Variants in ALG1 observed in about 807,000 individuals in gnomAD.
The protein encoded by ALG1 is chitobiosyldiphosphodolichol beta-mannosyltransferase.
In ALG1, 58 loss-of-function variants were observed where a neutral mutation model predicts 55.1. The observed-to-expected ratio is 1.05, with a 90% CI of 0.85 to 1.31. The LOEUF is 1.31. Among genes scored for constraint, ALG1 ranks in the 50% most tolerant of loss-of-function variants. The pLI is 0.00. For synonymous variants in ALG1, 309 were observed against 247.0 expected (o/e 1.25, Z -2.35); for missense variants, 761 against 598.6 (o/e 1.27, Z -2.83).
rs1012496048 is a variant in ALG1 at position 5,072,314 on chromosome 16, C to T, written c.208+257C>T. 2.9e-6 allele frequency: 4 copies of T among 1,384,568 alleles called. No homozygotes were observed. The South Asian group carries it at 4.5e-5, about 16-fold the overall frequency. 85.8% of individuals were successfully genotyped at this position (1,384,568 alleles called of 1,614,324 possible). A position where few individuals can be genotyped will look rare whatever the true frequency, so the allele number is the denominator to read the frequency against. On this transcript the variant is annotated intron_variant, in intron 1 of 12. Transcript: ENST00000262374. ...CACGTAATTCTCCTAGTAAGTGGAA[C>T]CCAGGTGCGTGGAACTCCAGGGCTA... is the stretch of plus-strand genomic sequence containing the variant.
At position 5,084,722 on chromosome 16, in the gene ALG1, G is replaced by T. The variant is rs17146164; in HGVS notation, c.1264-28G>T. On this transcript the variant is annotated intron_variant, in intron 12 of 12. Coordinates refer to ENST00000262374, the MANE Select transcript of ALG1 (RefSeq NM_019109.5). ...GGATGGGGTGGGGACAGGCAATGAG[G>T]TAAGCTCTGCTCTTTATTTTTTTGC... 4 of 1,596,416 alleles carry T rather than the reference G, an allele frequency of 2.5e-6. No homozygotes were observed. The South Asian group carries it at 4.4e-5, about 18-fold the overall frequency.
chr16:5,080,435 G>A (rs1181162675), intron 9 of ALG1, among the ~76,000 whole-genome samples: 3 of 152,198 alleles, frequency 2.0e-5, no homozygotes. Flanking sequence ...AGTTACTGCT[G>A]CTGAGCCCTT....
intron 12 of ALG1, chr16:5,084,390 A>C: frequency 2.3e-6 from 1 of 443,694 alleles, no homozygotes; most frequent in Non-Finnish European, 4.2e-6. Flanking sequence ...TGATTCAGAC[A>C]GTTTAGCAAG....
chr16:5,081,881 G>A (rs1199091887), intron 10 of ALG1, among the ~76,000 whole-genome samples: 2 of 152,022 alleles, frequency 1.3e-5, no homozygotes, highest in African/African-American at 2.4e-5. Flanking sequence ...CTTTAGAAAT[G>A]TTAAGCTATT....
Position 5,082,658 on chromosome 16 carries a change from C to A in ALG1, c.1172C>A (p.Ala391Asp), listed in dbSNP as rs74910062. Residue 391 changes from alanine (A) to aspartate (D), a missense_variant, in exon 11 of 13, where the codon GCT becomes GAT. Ala to Asp is a moderately radical substitution (Grantham distance 126). Transcript: ENST00000262374. ...TTCGGGTGCTGTTTGCCTGTGTGTGCTGTGAACTTCAAGTGGTAGGAGCAG... is the reference window on the plus strand; with the variant it reads ...TTCGGGTGCTGTTTGCCTGTGTGTGATGTGAACTTCAAGTGGTAGGAGCAG... ...DMFGCCLPVC[A>D]VNFKCLHELV... 1 of 1,604,702 alleles carries A rather than the reference C, an allele frequency of 6.2e-7. No homozygotes were observed.
At chr16:5,083,948 A>G (rs1357120404) in intron 12 of ALG1, among the ~76,000 whole-genome samples, 191 bp downstream of exon 12, 2 of 152,116 alleles carry the variant, frequency 1.3e-5, no homozygotes, top group South Asian at 2.1e-4. Context: ...GGCTCGGGAA[A>G]GTTAAGACAC....
chr16:5,074,720 G>C (rs940101156), intron 3 of ALG1, among the ~76,000 whole-genome samples: 2 of 152,212 alleles, frequency 1.3e-5, no homozygotes, highest in African/African-American at 4.8e-5. Flanking sequence ...GGTTGGGTCA[G>C]TTTGGCCCCC....
intron 8 of ALG1, among the ~76,000 whole-genome samples, chr16:5,079,415 C>T (rs1956977507): frequency 6.6e-6 from 1 of 152,176 alleles, no homozygotes; most frequent in East Asian, 1.9e-4. Context: ...TCTGAATGGG[C>T]ATGGTGGCTC....
rs769870335 is a variant in ALG1 at position 5,072,937 on chromosome 16, T to A, written c.209-14T>A. The A allele has an allele frequency of 7.4e-6, 12 of 1,612,120 alleles. No individual in the cohort carries two copies. The highest frequency in any genetic ancestry group is 1.0e-5 in the Non-Finnish European group (12 of 1,178,150). ...TGCTTCTGGTACATTAAAGGGATCA[T>A]TCTCATTTTTCAGACTCCAAACCCC... On this transcript the variant is annotated splice_polypyrimidine_tract_variant and intron_variant, in intron 1 of 12. Transcript: ENST00000262374.
chr16:5,077,694 G>T (rs1464935989), intron 5 of ALG1, among the ~76,000 whole-genome samples, 160 bp downstream of exon 5: 1 of 152,154 alleles, frequency 6.6e-6, no homozygotes, highest in African/African-American at 2.4e-5. Flanking sequence ...GGGAGGAGGG[G>T]GCAGAGTTTC....
At position 5,084,649 on chromosome 16, in the gene ALG1, G is replaced by A. The variant is rs1957084573; in HGVS notation, c.1264-101G>A. On this transcript the variant is annotated intron_variant, in intron 12 of 12. Transcript: ENST00000262374. The stretch of plus-strand genomic sequence containing the variant: ...AAGTGAGGGAGTTAGGGACTTGGGA[G>A]GGGTTGTTGTTGGGTCGGGGACCTG... 6 of 1,557,748 alleles carry A rather than the reference G, an allele frequency of 3.9e-6. No homozygotes were observed. In the South Asian group the frequency reaches 6.7e-5, roughly 18 times the overall value.
chr16:5,078,017 G>T lies in ALG1; in HGVS notation c.740G>T (p.Arg247Leu), dbSNP rs138192069. Reference sequence around the variant, plus strand: ...AGCATGCACTCTCCGTTCAGGGCCCGGTAGGCCTCCCATCCTCAGCTGCCT... The same window carrying T: ...AGCATGCACTCTCCGTTCAGGGCCCTGTAGGCCTCCCATCCTCAGCTGCCT... ...LGSMHSPFRA[R>L]SEPEDPVTER... The change falls in exon 6 of 13, where the codon CGC becomes CTC. Residue 247 changes from arginine (R) to leucine (L), a missense_variant and splice_region_variant. Physicochemically the swap from Arg to Leu is moderately radical, Grantham distance 102 (BLOSUM62 -2). Transcript: ENST00000262374. 1.3e-6 allele frequency: 2 copies of T among 1,598,138 alleles called. No individual in the cohort carries two copies. Among genetic ancestry groups the T allele is most frequent in the African/African-American group, 2.7e-5 (2 of 74,850 alleles).
Position 5,083,566 on chromosome 16 carries a change from T to C in ALG1, c.1188-116T>C, listed in dbSNP as rs1472411632. 3.2e-6 allele frequency: 5 copies of C among 1,569,238 alleles called. No homozygotes were observed. The African/African-American group carries it at 4.0e-5, about 13-fold the overall frequency. ...ACCAGCTCCCGGAAACCACACCCCC[T>C]GTTCCAACCCCCAGCCTGGCTTGAG... On this transcript the variant is annotated intron_variant, in intron 11 of 12. Coordinates refer to ENST00000262374, the MANE Select transcript of ALG1 (RefSeq NM_019109.5).
chr16:5,083,486 C>G (rs1380292986), intron 11 of ALG1, among the ~76,000 whole-genome samples, 196 bp from the exon 12 acceptor site: 1 of 152,150 alleles, frequency 6.6e-6, no homozygotes. Flanking sequence ...TGGGTGTGGC[C>G]ATTTTGATGT....
chr16:5,086,362 CCACACACACACCCACA>C lies in ALG1; in HGVS notation c.*1492_*1507del. ...AAAAAAAAAAAAAAAACCACACGCA[CCACACACACACCCACA>C]CACACACACAGCTTAGAAGGGGCTG... On this transcript the variant is annotated 3_prime_UTR_variant, in exon 13 of 13. Transcript: ENST00000262374. The C allele has an allele frequency of 6.6e-6, 1 of 152,138 alleles. No individual in the cohort carries two copies. The highest frequency in any genetic ancestry group is 2.1e-4 in the South Asian group (1 of 4,838). The allele number at this position is 152,138 out of a possible 1,614,324, so 9.4% of individuals were successfully genotyped here. A position where few individuals can be genotyped will look rare whatever the true frequency, so the allele number is the denominator to read the frequency against.
At chr16:5,077,803 A>G in intron 5 of ALG1, 104 bp from the exon 6 acceptor site, 2 of 1,212,688 alleles carry the variant, frequency 1.6e-6, no homozygotes, top group Middle Eastern at 2.7e-4. Context: ...ATCATCTGAG[A>G]CTTGGATTCC....
At chr16:5,072,246 G>T in intron 1 of ALG1, 189 bp downstream of exon 1, 1 of 1,499,590 alleles carries the variant, frequency 6.7e-7, no homozygotes, top group Non-Finnish European at 8.8e-7. Flanking sequence ...CGTTAATCTT[G>T]CCACGTGTCA....
rs398124348 is a variant in ALG1 at position 5,082,565 on chromosome 16, C to T, written c.1079C>T (p.Ala360Val). 6.8e-6 allele frequency: 11 copies of T among 1,611,954 alleles called. No homozygotes were observed. Among genetic ancestry groups the T allele is most frequent in the Admixed American group, 3.3e-5 (2 of 60,008 alleles). ...AEDYPLLLGS[A>V]DLGVCLHTSS... Reference sequence around the variant, plus strand: ...CACCCCTCTTGCCTAGCAGGGTCGGCGGACCTGGGTGTCTGTCTGCACACG... The same window carrying T: ...CACCCCTCTTGCCTAGCAGGGTCGGTGGACCTGGGTGTCTGTCTGCACACG... The change falls in exon 11 of 13, where the codon GCG (alanine) becomes GTG (valine). Residue 360 changes from alanine to valine, a missense_variant. Physicochemically the swap from Ala to Val is moderately conservative, Grantham distance 64. Coordinates refer to ENST00000262374, the MANE Select transcript of ALG1 (RefSeq NM_019109.5).
chr16:5,083,505 C>G (rs1008245885), intron 11 of ALG1, among the ~76,000 whole-genome samples, 177 bp from the exon 12 acceptor site: 2 of 152,184 alleles, frequency 1.3e-5, no homozygotes, highest in South Asian at 2.1e-4. Context: ...GTGCACCCCC[C>G]CAGGCCTTTA....
Sources: gnomAD v4.1 joint callset for allele counts (sites outside exome capture counted in the v4.1 genomes callset) on GRCh38, gnomAD v4.1.1 for gene constraint, MANE v1.5 for transcripts, NCBI Gene and HGNC (gene_info 2026-07-23, HGNC 2026-07-21) for gene names.